ARHGEF10L: variants seen among roughly 807,000 people sequenced by gnomAD.
ARHGEF10L encodes the protein Rho guanine nucleotide exchange factor 10 like, also known as rho guanine nucleotide exchange factor 10-like protein.
ARHGEF10L carries 69 observed loss-of-function variants against 141.2 expected under a neutral mutation model. The observed-to-expected ratio is 0.49, with a 90% CI of 0.40 to 0.60. The LOEUF is 0.60. Among genes scored for constraint, ARHGEF10L ranks in the 20% least tolerant of loss-of-function variants. The pLI is 0.00. For synonymous variants in ARHGEF10L, 711 were observed against 718.5 expected, an observed-to-expected ratio of 0.99 and a Z score of 0.17; for missense variants, 1,482 against 1,734.3, an observed-to-expected ratio of 0.85 and a Z score of 2.58.
At chr1:17,682,481 G>A (rs1172892466) in intron 26 of ARHGEF10L, among the ~76,000 whole-genome samples, 1 of 152,192 alleles carries the variant, frequency 6.6e-6, no homozygotes, top group African/African-American at 2.4e-5. Flanking sequence ...GACCAGGGGT[G>A]TACAGTTGGA....
At chr1:17,577,505 GGGGGCTGCTGTGAGCC>G (rs1032116318) in intron 1 of ARHGEF10L, among the ~76,000 whole-genome samples, 1 of 152,122 alleles carries the variant, frequency 6.6e-6, no homozygotes, top group African/African-American at 2.4e-5. Context: ...GGTGGTGGCA[GGGGGCTGCTGTGAGCC>G]ATCCCCACTC....
chr1:17,583,369 C>T (rs1293894803), intron 2 of ARHGEF10L, among the ~76,000 whole-genome samples: 1 of 152,056 alleles, frequency 6.6e-6, no homozygotes, highest in Non-Finnish European at 1.5e-5. Flanking sequence ...ATAATAATAA[C>T]AGTGATAATG....
chr1:17,538,043 C>T (rs1047983759), upstream of ARHGEF10L, among the ~76,000 whole-genome samples: 1 of 151,590 alleles, frequency 6.6e-6, no homozygotes, highest in African/African-American at 2.4e-5. Context: ...CAGCCTGAGC[C>T]ACAGGGCAAG....
intron 14 of ARHGEF10L, 141 bp downstream of exon 14, chr1:17,626,189 A>T (rs995032805): frequency 2.0e-5 from 13 of 640,840 alleles, no homozygotes; most frequent in East Asian, 2.9e-5. Flanking sequence ...CTCTGGCCTC[A>T]TCTTTCTCCA....
rs147209072 is a variant in ARHGEF10L, at chr1:17,576,898, G to A, written c.-43-3655G>A. 2.2e-3 allele frequency among the ~76,000 whole-genome samples: 340 copies of A among 152,358 alleles called. 2 individuals are homozygous for A. The highest frequency in any genetic ancestry group is 7.5e-3 in the African/African-American group (312 of 41,588). ...CGGTGTCACCGCCTGGAGAGTCACC[G>A]TGCTGTGGGCAGTGCCCTCCTCCTT... On this transcript the variant is annotated intron_variant, in intron 1 of 28. Coordinates refer to ENST00000361221, the MANE Select transcript of ARHGEF10L (RefSeq NM_018125.4).
At chr1:17,598,102 C>CTT (rs553934561) in intron 4 of ARHGEF10L, among the ~76,000 whole-genome samples, 6 of 139,054 alleles carry the variant, frequency 4.3e-5, no homozygotes, top group South Asian at 2.4e-4. Flanking sequence ...ACAAGAGAAA[C>CTT]TTTTTTTTTT....
intron 27 of ARHGEF10L, among the ~76,000 whole-genome samples, chr1:17,689,339 G>A (rs1262096609): frequency 6.6e-6 from 1 of 151,734 alleles, no homozygotes; most frequent in African/African-American, 2.4e-5. Context: ...CTGGGAAGGT[G>A]GCTGTCCTGG....
At chr1:17,555,475 C>G (rs1403784325) in intron 1 of ARHGEF10L, among the ~76,000 whole-genome samples, 1 of 151,930 alleles carries the variant, frequency 6.6e-6, no homozygotes, top group Non-Finnish European at 1.5e-5. Context: ...GCTTTCTTAG[C>G]CTCTCAAGCA....
chr1:17,671,954 G>A (rs58209334), intron 26 of ARHGEF10L, among the ~76,000 whole-genome samples: 1 of 152,168 alleles, frequency 6.6e-6, no homozygotes, highest in Non-Finnish European at 1.5e-5. Flanking sequence ...TTCCCCAAGT[G>A]GGGGGTGGGG....
At chr1:17,675,175 C>T (rs1416461287) in intron 26 of ARHGEF10L, among the ~76,000 whole-genome samples, 1 of 152,174 alleles carries the variant, frequency 6.6e-6, no homozygotes, top group East Asian at 1.9e-4. Context: ...CAATTCTGAC[C>T]TTTCTTGCCC....
chr1:17,564,993 C>T (rs2077690771), intron 1 of ARHGEF10L, among the ~76,000 whole-genome samples: 2 of 152,144 alleles, frequency 1.3e-5, no homozygotes, highest in African/African-American at 4.8e-5. Flanking sequence ...CACCCAAGGC[C>T]CCATTCGGGC....
intron 21 of ARHGEF10L, among the ~76,000 whole-genome samples, chr1:17,647,133 C>T (rs1410022264): frequency 1.3e-5 from 2 of 152,114 alleles, no homozygotes; most frequent in Non-Finnish European, 2.9e-5. Flanking sequence ...GCCCACAGGC[C>T]TCTGCGATGG....
intron 1 of ARHGEF10L, among the ~76,000 whole-genome samples, chr1:17,572,579 G>A (rs1557723034): frequency 6.6e-6 from 1 of 152,184 alleles, no homozygotes; most frequent in Non-Finnish European, 1.5e-5. Context: ...ATCAGAACAC[G>A]CCTGATCCCC....
chr1:17,653,480 T>G (rs577168101), intron 22 of ARHGEF10L, among the ~76,000 whole-genome samples: 2 of 152,314 alleles, frequency 1.3e-5, no homozygotes, highest in East Asian at 3.9e-4. Context: ...GGGGCTGCCG[T>G]GGCCTCGTCT....
the ARHGEF10L span, among the ~76,000 whole-genome samples, chr1:17,520,042 A>C: frequency 6.6e-6 from 1 of 152,152 alleles, no homozygotes; most frequent in Non-Finnish European, 1.5e-5. Flanking sequence ...GTGCCTTCCC[A>C]GGCCAGCGGG....
intron 26 of ARHGEF10L, among the ~76,000 whole-genome samples, chr1:17,671,953 T>A (rs866617582): frequency 4.6e-5 from 7 of 152,114 alleles, no homozygotes; most frequent in African/African-American, 1.4e-4. Flanking sequence ...TTTCCCCAAG[T>A]GGGGGGTGGG....
In ARHGEF10L at chr1:17,588,436, T is replaced by A. The variant is rs777165384; in HGVS notation, c.224-10T>A. On this transcript the variant is annotated splice_polypyrimidine_tract_variant and intron_variant, in intron 3 of 28. Coordinates refer to ENST00000361221, the MANE Select transcript of ARHGEF10L (RefSeq NM_018125.4). ...GCCTGACAGGCTCTCTGTCTGCTCT[T>A]CTTTTGCAGACCCAGACCCAGCAGC... The A allele has an allele frequency of 6.2e-7, 1 of 1,613,874 alleles. No homozygotes were observed. Among genetic ancestry groups the A allele is most frequent in the Non-Finnish European group, 8.5e-7 (1 of 1,179,852 alleles).
chr1:17,601,076 CA>C (rs2080635089), intron 4 of ARHGEF10L, among the ~76,000 whole-genome samples: 2 of 128,836 alleles, frequency 1.6e-5, no homozygotes, highest in East Asian at 2.1e-4. Flanking sequence ...AAACAAAAAA[CA>C]AAAAACTCTA....
At chr1:17,638,958 G>T (rs1185919821) in intron 20 of ARHGEF10L, among the ~76,000 whole-genome samples, 1 of 152,214 alleles carries the variant, frequency 6.6e-6, no homozygotes, top group Non-Finnish European at 1.5e-5. Flanking sequence ...CAGACACTCT[G>T]CCATTGGTCA....
Sources: gnomAD v4.1 joint callset for allele counts (sites outside exome capture counted in the v4.1 genomes callset) on GRCh38, gnomAD v4.1.1 for gene constraint, MANE v1.5 for transcripts, NCBI Gene and HGNC (gene_info 2026-07-23, HGNC 2026-07-21) for gene names.